The following ROBO2 variants were observed in gnomAD, a reference collection of about 807,000 sequenced individuals.
The protein encoded by ROBO2 is roundabout guidance receptor 2.
A neutral mutation model predicts 160.8 loss-of-function variants in ROBO2; 53 were observed. The observed-to-expected ratio is 0.33, with a 90% CI of 0.26 to 0.41. The LOEUF (loss-of-function observed/expected upper bound fraction) is 0.41. Among genes scored for constraint, ROBO2 ranks in the 10% least tolerant of loss-of-function variants. The probability of loss-of-function intolerance (pLI) is 1.00; values close to 1 mark genes in which losing one functional copy is unlikely to be tolerated. For synonymous variants in ROBO2, 664 were observed against 611.7 expected, an observed-to-expected ratio of 1.09 and a Z score of -1.26; for missense variants, 1,577 against 1,722.4, an observed-to-expected ratio of 0.92 and a Z score of 1.49.
intron 2 of ROBO2, among the ~76,000 whole-genome samples, chr3:76,798,824 TTGAGG>T (rs1448010138): frequency 1.3e-5 from 2 of 151,990 alleles, no homozygotes; most frequent in Non-Finnish European, 2.9e-5. Flanking sequence ...GACTGGAAAG[TTGAGG>T]CTTCAGTGAA....
intron 2 of ROBO2, among the ~76,000 whole-genome samples, chr3:76,931,837 C>T (rs552520525): frequency 2.0e-5 from 3 of 152,142 alleles, no homozygotes; most frequent in South Asian, 4.2e-4. Context: ...CCTGCCACCA[C>T]GCCTGGCTAA....
intron 2 of ROBO2, among the ~76,000 whole-genome samples, chr3:76,513,091 G>T (rs1270676213): frequency 6.6e-6 from 1 of 152,174 alleles, no homozygotes; most frequent in African/African-American, 2.4e-5. Flanking sequence ...TACTACCTTA[G>T]AAAGTTGATC....
intron 1 of ROBO2, among the ~76,000 whole-genome samples, chr3:75,925,186 A>G (rs916827252): frequency 2.0e-5 from 3 of 151,888 alleles, no homozygotes; most frequent in African/African-American, 7.3e-5. Context: ...TGAGCCCAGG[A>G]GTTTCAGATC....
intron 2 of ROBO2, among the ~76,000 whole-genome samples, chr3:76,231,259 T>C (rs1253428643): frequency 2.0e-5 from 3 of 152,206 alleles, no homozygotes; most frequent in African/African-American, 7.2e-5. Context: ...CGTTTCTTGC[T>C]AATCCTCCTC....
chr3:76,636,012 G>A lies in ROBO2; in HGVS notation c.110-462002G>A, dbSNP rs568799366. ...TGTTTTTGTGTTGATGATTTGTGTT[G>A]ATTCAGGTTACATTTGAGACTTAAT... On this transcript the variant is annotated intron_variant, in intron 2 of 26. Coordinates refer to the ROBO2 transcript ENST00000487694. Among the ~76,000 whole-genome samples the A allele has an allele frequency of 1.3e-5, 2 of 152,236 alleles. 1 individual carries two copies. Among genetic ancestry groups the A allele is most frequent in the South Asian group, 4.1e-4 (2 of 4,822 alleles).
At chr3:76,916,338 G>A (rs1301261396) in intron 2 of ROBO2, among the ~76,000 whole-genome samples, 1 of 151,924 alleles carries the variant, frequency 6.6e-6, no homozygotes, top group Non-Finnish European at 1.5e-5. Context: ...GAGACTTTAT[G>A]GACAGATATG....
chr3:77,293,147 A>G lies in ROBO2; in HGVS notation c.389-184267A>G, dbSNP rs539709727. On this transcript the variant is annotated intron_variant, in intron 2 of 25. Coordinates refer to ENST00000461745, the Ensembl canonical transcript of ROBO2. ...TCACCCCAGACATAAAGTAAAATTG[A>G]TGGTTAAATGGGAAGTTGAGGCTAG... Among the ~76,000 whole-genome samples, 4 of 151,186 alleles carry G rather than the reference A, an allele frequency of 2.6e-5. No homozygotes were observed. In the South Asian group the frequency reaches 8.5e-4, roughly 32 times the overall value.
At chr3:76,189,702 G>A (rs1701921480) in intron 2 of ROBO2, among the ~76,000 whole-genome samples, 1 of 152,030 alleles carries the variant, frequency 6.6e-6, no homozygotes, top group African/African-American at 2.4e-5. Context: ...GAGGTGAAAA[G>A]TTATTTTCAT....
chr3:76,768,426 T>C (rs1250449839), intron 2 of ROBO2, among the ~76,000 whole-genome samples: 1 of 151,480 alleles, frequency 6.6e-6, no homozygotes, highest in Non-Finnish European at 1.5e-5. Flanking sequence ...CTTGATTTCG[T>C]CTCATGATGT....
intron 2 of ROBO2, among the ~76,000 whole-genome samples, chr3:76,681,290 A>T (rs1387963401): frequency 1.3e-5 from 2 of 152,140 alleles, no homozygotes; most frequent in Non-Finnish European, 2.9e-5. Context: ...GCATAATTTG[A>T]CCATGTTGAT....
chr3:76,037,261 T>TTTTTTC, intron 2 of ROBO2, among the ~76,000 whole-genome samples: 1 of 88,328 alleles, frequency 1.1e-5, no homozygotes, highest in South Asian at 2.8e-4. Flanking sequence ...TTCTTTTTTC[T>TTTTTTC]TTTTTTTTTT....
intron 2 of ROBO2, among the ~76,000 whole-genome samples, chr3:77,179,470 A>T (rs1194309207): frequency 1.3e-5 from 2 of 152,238 alleles, no homozygotes; most frequent in East Asian, 1.9e-4. Flanking sequence ...TTTGAAAAAA[A>T]ATACTGTGGT....
intron 2 of ROBO2, among the ~76,000 whole-genome samples, chr3:76,138,293 TAAAA>T (rs921384807): frequency 6.6e-6 from 1 of 151,818 alleles, no homozygotes; most frequent in Non-Finnish European, 1.5e-5. Context: ...TGTGAAAAAT[TAAAA>T]AAACAAGCTA....
chr3:76,325,219 A>C (rs746138006), intron 2 of ROBO2, among the ~76,000 whole-genome samples: 1 of 152,246 alleles, frequency 6.6e-6, no homozygotes, highest in Non-Finnish European at 1.5e-5. Context: ...CTGTATTTCC[A>C]TATTTTATAA....
chr3:76,950,909 G>A (rs1345309027), intron 2 of ROBO2, among the ~76,000 whole-genome samples: 2 of 151,996 alleles, frequency 1.3e-5, no homozygotes, highest in African/African-American at 4.8e-5. Flanking sequence ...TGTATTTTTT[G>A]TAGAGAAATG....
At chr3:76,911,943 G>A (rs1267019891) in intron 2 of ROBO2, among the ~76,000 whole-genome samples, 2 of 152,016 alleles carry the variant, frequency 1.3e-5, no homozygotes, top group African/African-American at 2.4e-5. Flanking sequence ...CACTCCAGAA[G>A]GGCAACAGAG....
intron 2 of ROBO2, among the ~76,000 whole-genome samples, chr3:77,423,381 G>T (rs781719242): frequency 6.6e-6 from 1 of 152,104 alleles, no homozygotes; most frequent in Non-Finnish European, 1.5e-5. Context: ...TCCCATGAAT[G>T]TGAAATACAG....
intron 2 of ROBO2, among the ~76,000 whole-genome samples, chr3:76,677,025 T>C (rs2092428560): frequency 6.6e-6 from 1 of 152,192 alleles, no homozygotes; most frequent in Non-Finnish European, 1.5e-5. Flanking sequence ...GACATTATAA[T>C]GTTGAAAAGA....
chr3:76,254,762 T>C (rs1706253308), intron 2 of ROBO2, among the ~76,000 whole-genome samples: 1 of 150,792 alleles, frequency 6.6e-6, no homozygotes, highest in Non-Finnish European at 1.5e-5. Context: ...AGAGAACAAA[T>C]AAAACTGAGG....
Sources: allele counts gnomAD v4.1 joint callset (sites outside exome capture counted in the v4.1 genomes callset), GRCh38; gene constraint gnomAD v4.1.1; transcripts MANE v1.5; gene names NCBI Gene and HGNC (gene_info 2026-07-23, HGNC 2026-07-21).